The following DPYSL4 variants were observed in gnomAD, a reference collection of about 807,000 sequenced individuals.
DPYSL4 encodes the protein dihydropyrimidinase like 4.
A neutral mutation model predicts 63.4 loss-of-function variants in DPYSL4; 43 were observed. That is an observed-to-expected ratio of 0.68 (90% confidence interval 0.53 to 0.88). The LOEUF (loss-of-function observed/expected upper bound fraction) is 0.88, where lower values mean the gene tolerates loss of function less well. DPYSL4 is among the 40% of genes least tolerant of loss of function. The pLI, the probability that DPYSL4 is intolerant of heterozygous loss-of-function variation, is 0.00. For synonymous variants in DPYSL4, 353 were observed against 331.7 expected, an observed-to-expected ratio of 1.06 and a Z score of -0.70; for missense variants, 733 against 819.5, an observed-to-expected ratio of 0.89 and a Z score of 1.29.
At chr10:132,202,139 C>A in intron 11 of DPYSL4, 23 bp downstream of exon 11, 1 of 1,602,812 alleles carries the variant, frequency 6.2e-7, no homozygotes, top group South Asian at 1.1e-5. Flanking sequence ...GGCTGTAAGT[C>A]AGGGTTGGCC....
At chr10:132,192,908 G>T (rs1045660297) in intron 3 of DPYSL4, 66 bp downstream of exon 3, 1 of 1,488,024 alleles carries the variant, frequency 6.7e-7, no homozygotes, top group African/African-American at 1.4e-5. Flanking sequence ...CTCTGGCCAG[G>T]TGTGTGTGGG....
At chr10:132,190,678 G>T in intron 1 of DPYSL4, 69 bp from the exon 2 acceptor site, 1 of 1,427,388 alleles carries the variant, frequency 7.0e-7, no homozygotes, top group Non-Finnish European at 9.7e-7. Flanking sequence ...TTCAGAGGAA[G>T]GAGTTGCACC....
At chr10:132,193,173 A>G (rs1171525815) in intron 3 of DPYSL4, among the ~76,000 whole-genome samples, 1 of 152,174 alleles carries the variant, frequency 6.6e-6, no homozygotes, top group African/African-American at 2.4e-5. Context: ...GGGAGGGGTC[A>G]TGCTGTCTGA....
Position 132,187,108 on chromosome 10 carries a change from C to T in DPYSL4, c.39+6C>T. ...AAAGCATCCCCCGGATCACGGTGAG[C>T]CCGGTCCCGCTTCGCCCGGCGCCCC... On this transcript the variant is annotated splice_donor_region_variant and intron_variant, in intron 1 of 13. Transcript: ENST00000338492. 2.0e-6 allele frequency: 3 copies of T among 1,526,798 alleles called. No homozygotes were observed. Among genetic ancestry groups the T allele is most frequent in the East Asian group, 5.1e-5 (2 of 39,188 alleles). 94.6% of individuals were successfully genotyped at this position (1,526,798 alleles called of 1,614,324 possible). A position where few individuals can be genotyped will look rare whatever the true frequency, so the allele number is the denominator to read the frequency against.
chr10:132,196,169 G>A (rs2137510831), intron 4 of DPYSL4, among the ~76,000 whole-genome samples: 1 of 152,344 alleles, frequency 6.6e-6, no homozygotes, highest in South Asian at 2.1e-4. Context: ...GGTTGGGTGG[G>A]CTTGAGTGAT....
At chr10:132,188,790 ACTT>A (rs1341037619) in intron 1 of DPYSL4, among the ~76,000 whole-genome samples, 1 of 152,200 alleles carries the variant, frequency 6.6e-6, no homozygotes, top group African/African-American at 2.4e-5. Context: ...TGCAGTGTGA[ACTT>A]CATAGAATTT....
rs3736257 is a variant in DPYSL4, at chr10:132,201,981, G to A, written c.1146G>A (p.Ala382=). ...SGKMDENEFV[A]VTSTNAAKIF... ...AGATGGACGAGAATGAGTTCGTCGC[G>A]GTGACCAGTACAAATGCTGCCAAAA... The change falls in exon 11 of 14, where the codon GCG becomes GCA. Residue 382 remains alanine (A), a synonymous_variant. Coordinates refer to ENST00000338492, the MANE Select transcript of DPYSL4 (RefSeq NM_006426.3). 1,335 of 1,613,172 alleles carry A rather than the reference G, an allele frequency of 8.3e-4. 19 individuals are homozygous for A. The East Asian group carries it at 0.026, about 31-fold the overall frequency.
rs748219695 is a variant in DPYSL4, at chr10:132,202,836, A to G, written c.1461+11A>G. 8 of 1,578,352 alleles carry G rather than the reference A, an allele frequency of 5.1e-6. No homozygotes were observed. The African/African-American group carries it at 9.4e-5, about 19-fold the overall frequency. On this transcript the variant is annotated intron_variant, in intron 12 of 13. Transcript: ENST00000338492. ...AAAGCTCGCAACAGGGTAGGGCGGC[A>G]CCCGCAAGGGTGTTGTGCAGGTAGG...
In DPYSL4 at chr10:132,204,797, C is replaced by G. The variant is rs371740141; in HGVS notation, c.1628-42C>G. On this transcript the variant is annotated intron_variant, in intron 13 of 13. Transcript: ENST00000338492. ...ACGCCTTGAATAGAAGGGCCCCTGC[C>G]CCTGCCTCATTCTCCCCTGCCCATC... 1.1e-5 allele frequency: 17 copies of G among 1,552,154 alleles called. No homozygotes were observed. In the African/African-American group the frequency reaches 2.3e-4, roughly 21 times the overall value.
chr10:132,205,009 A>G lies in DPYSL4; in HGVS notation c.*79A>G, dbSNP rs1274605856. ...CCCCAGGGCACTCGCCCCCCTCCTT[A>G]GCATTTTCTTTTGTAGAAGTTTCTC... On this transcript the variant is annotated 3_prime_UTR_variant, in exon 14 of 14. Transcript: ENST00000338492. 1 of 1,189,482 alleles carries G rather than the reference A, an allele frequency of 8.4e-7. No homozygotes were observed. 73.7% of individuals were successfully genotyped at this position (1,189,482 alleles called of 1,614,324 possible).
At chr10:132,199,025 G>A in intron 8 of DPYSL4, 54 bp downstream of exon 8, 2 of 1,585,894 alleles carry the variant, frequency 1.3e-6, no homozygotes, top group Admixed American at 3.4e-5. Flanking sequence ...CGGCCTCCTG[G>A]GTGCAGCCCT....
chr10:132,198,557 C>T (rs1440595571), intron 7 of DPYSL4, 74 bp downstream of exon 7: 3 of 1,442,684 alleles, frequency 2.1e-6, no homozygotes, highest in South Asian at 2.5e-5. Context: ...CTGTGCTGAC[C>T]CTGGCCCTGG....
chr10:132,204,881 A>G lies in DPYSL4; in HGVS notation c.1670A>G (p.Lys557Arg). The G allele has an allele frequency of 3.1e-6, 5 of 1,612,832 alleles. No individual in the cohort carries two copies. Among genetic ancestry groups the G allele is most frequent in the Non-Finnish European group, 4.2e-6 (5 of 1,179,338 alleles). Residue 557 changes from lysine (K) to arginine (R), a missense_variant, in exon 14 of 14, where the codon AAG becomes AGG. By Grantham distance (26) the Lys-to-Arg change is conservative (BLOSUM62 2). Coordinates refer to ENST00000338492, the MANE Select transcript of DPYSL4 (RefSeq NM_006426.3). ...CACATCGCCCGACGCACAGCACAGA[A>G]GATCATGGCACCACCTGGCGGCCGC... ...DDHIARRTAQ[K>R]IMAPPGGRSN...
In DPYSL4 at chr10:132,200,888, G is replaced by GC; in HGVS notation, c.1018dup (p.Gln340ProfsTer20). 1 of 1,613,172 alleles carries GC rather than the reference G, an allele frequency of 6.2e-7. No individual in the cohort carries two copies. The highest frequency in any genetic ancestry group is 1.1e-5 in the South Asian group (1 of 91,082). ...CAGCGCCCACTGCACCTTCACCACTGCCCAGAAGGCTGTGGGCAAGGACAA... is the reference window on the plus strand; with the variant it reads ...CAGCGCCCACTGCACCTTCACCACTGCCCCAGAAGGCTGTGGGCAAGGACAA... On this transcript the variant is annotated frameshift_variant, in exon 10 of 14. Coordinates refer to ENST00000338492, the MANE Select transcript of DPYSL4 (RefSeq NM_006426.3). LOFTEE classifies it high-confidence loss of function.
intron 6 of DPYSL4, among the ~76,000 whole-genome samples, chr10:132,198,015 G>A (rs1298680695): frequency 4.6e-5 from 7 of 152,218 alleles, no homozygotes; most frequent in Admixed American, 2.0e-4. Flanking sequence ...AAATCTGCAC[G>A]GAAAGGCAGT....
intron 7 of DPYSL4, 116 bp downstream of exon 7, chr10:132,198,599 C>A: frequency 8.5e-7 from 1 of 1,177,914 alleles, no homozygotes; most frequent in Non-Finnish European, 1.2e-6. Context: ...CTCGCCCCGA[C>A]CTCATCTGGG....
Position 132,200,436 on chromosome 10 carries a change from G to C in DPYSL4, c.892G>C (p.Ala298Pro). The change falls in exon 9 of 14, where the codon GCC becomes CCC. Residue 298 changes from alanine to proline, a missense_variant. Physicochemically the swap from Ala to Pro is conservative, Grantham distance 27. Coordinates refer to ENST00000338492, the MANE Select transcript of DPYSL4 (RefSeq NM_006426.3). ...CTACTGGAGCAAGAACTGGGCCAAG[G>C]CCGCAGCCTTCGTCACATCACCCCC... ...SHYWSKNWAK[A>P]AAFVTSPPVN... 6.2e-7 allele frequency: 1 copy of C among 1,613,556 alleles called. No individual in the cohort carries two copies. Among genetic ancestry groups the C allele is most frequent in the South Asian group, 1.1e-5 (1 of 91,078 alleles).
intron 3 of DPYSL4, among the ~76,000 whole-genome samples, chr10:132,193,956 G>A (rs111611952): frequency 9.8e-5 from 15 of 152,368 alleles, no homozygotes; most frequent in African/African-American, 3.6e-4. Context: ...CACTGCTCGC[G>A]CCCTTCAGGG....
intron 8 of DPYSL4, among the ~76,000 whole-genome samples, chr10:132,199,613 C>T (rs1420878533): frequency 6.8e-6 from 1 of 146,714 alleles, no homozygotes; most frequent in Non-Finnish European, 1.5e-5. Context: ...CCTCCTCCTG[C>T]TGTCCGCACT....
Sources: allele counts gnomAD v4.1 joint callset (sites outside exome capture counted in the v4.1 genomes callset), GRCh38; gene constraint gnomAD v4.1.1; transcripts MANE v1.5; gene names NCBI Gene and HGNC (gene_info 2026-07-23, HGNC 2026-07-21).